NCAM1: variants seen among roughly 807,000 people sequenced by gnomAD.
NCAM1 encodes the protein antigen recognized by monoclonal antibody 5.1H11.
Under a neutral mutation model 109.8 loss-of-function variants are expected in NCAM1, and 14 were observed. That is an observed-to-expected ratio of 0.13 (90% CI 0.08 to 0.20). The LOEUF is 0.20. NCAM1 is among the 10% of genes least tolerant of loss of function. NCAM1 has a pLI of 1.00. For missense variants in NCAM1, 774 were observed against 1,109.9 expected (o/e 0.70, Z 4.30); for synonymous variants, 418 against 442.9 (o/e 0.94, Z 0.70).
At chr11:113,136,921 G>A (rs1433296359) in intron 1 of NCAM1, among the ~76,000 whole-genome samples, 3 of 152,188 alleles carry the variant, frequency 2.0e-5, no homozygotes, top group African/African-American at 4.8e-5. Flanking sequence ...CATGGAGAGA[G>A]GATGTGTCCA....
chr11:113,115,044 A>G (rs1940635749), intron 1 of NCAM1, among the ~76,000 whole-genome samples: 1 of 152,228 alleles, frequency 6.6e-6, no homozygotes, highest in Non-Finnish European at 1.5e-5. Flanking sequence ...TTCAAGAGAC[A>G]TAACTAATAA....
chr11:113,208,686 T>C (rs1555113278), intron 7 of NCAM1, among the ~76,000 whole-genome samples: 1 of 152,132 alleles, frequency 6.6e-6, no homozygotes, highest in African/African-American at 2.4e-5. Context: ...CTCGTGACTC[T>C]TACTGTATCT....
intron 8 of NCAM1, among the ~76,000 whole-genome samples, chr11:113,217,677 C>A (rs1240999375): frequency 6.6e-6 from 1 of 152,132 alleles, no homozygotes; most frequent in Admixed American, 6.5e-5. Context: ...TTTACATGAT[C>A]CCCATTTAAG....
In NCAM1 at chr11:113,046,799, GA is replaced by G. The variant is rs373170322; in HGVS notation, c.52+85139del. ...TAATAGATGAAAGAGAAAGAAGAAA[GA>G]AAAGAGAGAGAGAGAGAAAGAAAAA... On this transcript the variant is annotated intron_variant, in intron 1 of 19. Transcript: ENST00000316851. 1.5e-3 allele frequency among the ~76,000 whole-genome samples: 203 copies of G among 135,884 alleles called. 1 individual carries two copies. The highest frequency in any genetic ancestry group is 5.0e-3 in the African/African-American group (195 of 39,346). The allele number at this position is 135,884 out of a possible 152,430, so 89.1% of individuals were successfully genotyped here. A position where few individuals can be genotyped will look rare whatever the true frequency, so the allele number is the denominator to read the frequency against.
chr11:113,261,822 G>T (rs1946008580), intron 17 of NCAM1, among the ~76,000 whole-genome samples: 1 of 152,162 alleles, frequency 6.6e-6, no homozygotes, highest in Non-Finnish European at 1.5e-5. Flanking sequence ...GACTCACTGG[G>T]TAGGCTGTTT....
intron 1 of NCAM1, among the ~76,000 whole-genome samples, chr11:113,120,663 A>G (rs894332500): frequency 1.1e-4 from 17 of 152,306 alleles, no homozygotes; most frequent in African/African-American, 4.1e-4. Context: ...CTTTCTCCTC[A>G]TCATAAGGGA....
At chr11:113,033,755 TCCG>T (rs1555078676) in intron 1 of NCAM1, among the ~76,000 whole-genome samples, 1 of 152,198 alleles carries the variant, frequency 6.6e-6, no homozygotes, top group Non-Finnish European at 1.5e-5. Flanking sequence ...TTGTTGAACT[TCCG>T]CTGTGTTCAC....
chr11:113,263,823 G>T, intron 17 of NCAM1: 1 of 985,528 alleles, frequency 1.0e-6, no homozygotes, highest in Non-Finnish European at 1.2e-6. Flanking sequence ...CCCCTACCTG[G>T]CCTGTGTGTG....
In NCAM1 at chr11:113,233,972, C is replaced by T. The variant is rs1471516818; in HGVS notation, c.1693+655C>T. On this transcript the variant is annotated intron_variant, in intron 13 of 19. Transcript: ENST00000316851. The surrounding 1 kb of genome is among the most constrained non-coding windows in gnomAD (Gnocchi z 4.5). ...TTTGTTTCTGTACAAATTTTTAATC[C>T]TGGTCTCGTATGTGGTAATTCGAGT... is the stretch of plus-strand genomic sequence containing the variant. 6.6e-6 allele frequency among the ~76,000 whole-genome samples: 1 copy of T among 152,086 alleles called. No individual in the cohort carries two copies. Among genetic ancestry groups the T allele is most frequent in the African/African-American group, 2.4e-5 (1 of 41,398 alleles).
At chr11:112,992,750 G>A (rs994657954) in intron 1 of NCAM1, among the ~76,000 whole-genome samples, 2 of 152,008 alleles carry the variant, frequency 1.3e-5, no homozygotes, top group African/African-American at 4.8e-5. Context: ...CTCGTGATCC[G>A]CCAGCCTCGG....
chr11:113,082,731 C>T (rs1328453193), intron 1 of NCAM1, among the ~76,000 whole-genome samples: 2 of 152,208 alleles, frequency 1.3e-5, no homozygotes, highest in Admixed American at 6.5e-5. Context: ...CGGATCATGT[C>T]GGTCCCTCAG....
intron 1 of NCAM1, among the ~76,000 whole-genome samples, chr11:113,127,705 A>G (rs1941232510): frequency 1.3e-5 from 2 of 152,238 alleles, no homozygotes; most frequent in Non-Finnish European, 2.9e-5. Context: ...AATTATAACA[A>G]TAAAAAGCTT....
intron 1 of NCAM1, among the ~76,000 whole-genome samples, chr11:113,143,140 C>T (rs1024388984): frequency 2.6e-5 from 4 of 152,254 alleles, no homozygotes; most frequent in African/African-American, 7.2e-5. Context: ...TCTCTAGTAT[C>T]GTGTAATACC....
chr11:112,997,489 A>C (rs1002993929), intron 1 of NCAM1, among the ~76,000 whole-genome samples: 7 of 152,178 alleles, frequency 4.6e-5, no homozygotes, highest in African/African-American at 1.4e-4. Flanking sequence ...CTCTGGGGAC[A>C]GTGTTCATTA....
At chr11:113,167,501 G>A (rs1317327181) in intron 1 of NCAM1, among the ~76,000 whole-genome samples, 1 of 149,458 alleles carries the variant, frequency 6.7e-6, no homozygotes, top group Non-Finnish European at 1.5e-5. Context: ...GCAGTTGGCC[G>A]CTGTTTCTGA....
chr11:113,127,658 G>A (rs1364028943), intron 1 of NCAM1, among the ~76,000 whole-genome samples: 1 of 152,172 alleles, frequency 6.6e-6, no homozygotes, highest in Non-Finnish European at 1.5e-5. Context: ...GCAAGGCATT[G>A]AAAATTGGTA....
At chr11:113,257,889 C>T (rs1227066525) in intron 16 of NCAM1, among the ~76,000 whole-genome samples, 1 of 152,236 alleles carries the variant, frequency 6.6e-6, no homozygotes, top group African/African-American at 2.4e-5. Context: ...TCCTAGCTTA[C>T]AGCATAGCCA....
At chr11:113,086,726 G>A (rs1306311134) in intron 1 of NCAM1, among the ~76,000 whole-genome samples, 2 of 152,146 alleles carry the variant, frequency 1.3e-5, no homozygotes, top group African/African-American at 2.4e-5. Context: ...AACTCAGAGA[G>A]TTGGGAAGAA....
chr11:113,043,470 G>A (rs1953149883), intron 1 of NCAM1, among the ~76,000 whole-genome samples: 1 of 152,090 alleles, frequency 6.6e-6, no homozygotes, highest in African/African-American at 2.4e-5. Flanking sequence ...CTGAGTAGCT[G>A]GATTTACAGG....
Sources: allele counts gnomAD v4.1 joint callset (sites outside exome capture counted in the v4.1 genomes callset), GRCh38; gene constraint gnomAD v4.1.1; non-coding constraint Gnocchi (gnomAD v3.1); transcripts MANE v1.5; gene names NCBI Gene and HGNC (gene_info 2026-07-23, HGNC 2026-07-21).